Variants in AHR observed in about 807,000 individuals in gnomAD.
AHR encodes the protein AH-receptor.
A neutral mutation model predicts 86.8 loss-of-function variants in AHR; 40 were observed. The ratio of observed to expected loss-of-function variants is 0.46; its 90% confidence interval spans 0.36 to 0.60. The LOEUF is 0.60. AHR is among the 20% of genes least tolerant of loss of function. AHR has a pLI of 0.00. For synonymous variants in AHR, 398 were observed against 354.9 expected (o/e 1.12, Z -1.37); for missense variants, 1,001 against 1,011.6 (o/e 0.99, Z 0.14).
chr7:17,307,078 A>G (rs181741281), intron 1 of AHR, among the ~76,000 whole-genome samples: 1 of 152,202 alleles, frequency 6.6e-6, no homozygotes, highest in African/African-American at 2.4e-5. Context: ...ACAATTTTGC[A>G]TTATGAAAAG....
At chr7:17,331,717 G>C (rs893398700) in intron 6 of AHR, among the ~76,000 whole-genome samples, 1 of 151,916 alleles carries the variant, frequency 6.6e-6, no homozygotes, top group Non-Finnish European at 1.5e-5. Flanking sequence ...CTGAACACCT[G>C]CATAGGAGTT....
In AHR at chr7:17,312,555, C is replaced by T. The variant is rs1038668862; in HGVS notation, c.253+2432C>T. Among the ~76,000 whole-genome samples, 10 of 152,184 alleles carry T rather than the reference C, an allele frequency of 6.6e-5. No individual in the cohort carries two copies. In the South Asian group the frequency reaches 2.1e-3, roughly 32 times the overall value. On this transcript the variant is annotated intron_variant, in intron 2 of 10. Transcript: ENST00000242057. ...ACACATACATGATTAGATAAGTGTC[C>T]TATTATTCAGTGCTTCAAGTAAAGG...
At chr7:17,307,656 C>T (rs774208304) in intron 1 of AHR, among the ~76,000 whole-genome samples, 4 of 152,122 alleles carry the variant, frequency 2.6e-5, no homozygotes, top group Non-Finnish European at 4.4e-5. Flanking sequence ...CAGTTCAGAG[C>T]TACTGAAGGA....
At chr7:17,312,209 T>C (rs777922146) in intron 2 of AHR, among the ~76,000 whole-genome samples, 1 of 152,230 alleles carries the variant, frequency 6.6e-6, no homozygotes, top group Non-Finnish European at 1.5e-5. Context: ...GATTCTGTGA[T>C]GTGTAAGACG....
At chr7:17,335,021 TGTC>T (rs1488257932) in intron 8 of AHR, 25 bp downstream of exon 8, 1 of 1,558,168 alleles carries the variant, frequency 6.4e-7, no homozygotes, top group East Asian at 2.2e-5. Context: ...CTTATGAACA[TGTC>T]AGAAGAAAAC....
rs1414356784 is a variant in AHR, at chr7:17,339,528, G to T, written c.1703G>T (p.Gly568Val). Residue 568 changes from glycine (G) to valine (V), a missense_variant, in exon 10 of 11, where the codon GGT becomes GTT. Physicochemically the swap from Gly to Val is moderately radical, Grantham distance 109 (BLOSUM62 -3). Transcript: ENST00000242057. Reference sequence around the variant, plus strand: ...AAATTTTTCAGAAATGATTTTTCTGGTGAGGTTGACTTCAGAGACATTGAC... The same window carrying T: ...AAATTTTTCAGAAATGATTTTTCTGTTGAGGTTGACTTCAGAGACATTGAC... ...NEKFFRNDFSGEVDFRDIDLT... is the reference protein window; with the variant it reads ...NEKFFRNDFSVEVDFRDIDLT... The T allele has an allele frequency of 1.2e-6, 2 of 1,614,114 alleles. No homozygotes were observed. Among genetic ancestry groups the T allele is most frequent in the Admixed American group, 1.7e-5 (1 of 60,010 alleles).
At chr7:17,301,928 A>G (rs1455824178) in intron 1 of AHR, among the ~76,000 whole-genome samples, 1 of 151,888 alleles carries the variant, frequency 6.6e-6, no homozygotes, top group East Asian at 1.9e-4. Context: ...CTTTGCTTAG[A>G]CTGTTGCCCC....
intron 3 of AHR, 61 bp from the exon 4 acceptor site, chr7:17,327,698 C>A: frequency 2.2e-6 from 2 of 915,272 alleles, no homozygotes; most frequent in Admixed American, 2.3e-5. Flanking sequence ...AAAGTAATAA[C>A]CTTTATCTGA....
chr7:17,338,912 TC>T (rs1421428280), intron 9 of AHR, 73 bp from the exon 10 acceptor site: 1 of 1,365,492 alleles, frequency 7.3e-7, no homozygotes, highest in Non-Finnish European at 9.8e-7. Context: ...TTTATGTTTT[TC>T]TTTTTTAAAT....
chr7:17,328,790 A>G (rs757370327), intron 4 of AHR, among the ~76,000 whole-genome samples: 3 of 151,932 alleles, frequency 2.0e-5, no homozygotes, highest in Non-Finnish European at 4.4e-5. Flanking sequence ...TTTCAGATGC[A>G]ACTTTTGGAA....
chr7:17,307,755 T>A (rs1782020166), intron 1 of AHR, among the ~76,000 whole-genome samples: 1 of 152,160 alleles, frequency 6.6e-6, no homozygotes, highest in Non-Finnish European at 1.5e-5. Flanking sequence ...AACCCTGCCC[T>A]GCTTTCTGTA....
chr7:17,301,659 T>G (rs894968219), intron 1 of AHR, among the ~76,000 whole-genome samples: 29 of 151,906 alleles, frequency 1.9e-4, no homozygotes, highest in African/African-American at 6.5e-4. Context: ...TTGAATTTAT[T>G]AAGAAAAATC....
intron 9 of AHR, among the ~76,000 whole-genome samples, chr7:17,337,778 T>G (rs1358652909): frequency 6.6e-6 from 1 of 151,818 alleles, no homozygotes; most frequent in Admixed American, 6.6e-5. Flanking sequence ...CCCGGCCCTT[T>G]TTACGTTTTT....
intron 5 of AHR, 123 bp downstream of exon 5, chr7:17,330,198 C>A: frequency 2.1e-6 from 2 of 971,556 alleles, no homozygotes; most frequent in Non-Finnish European, 3.0e-6. Flanking sequence ...GATGTAAAGT[C>A]TGCAATCATA....
Position 17,330,880 on chromosome 7 carries a change from T to A in AHR, c.699T>A (p.Gly233=), listed in dbSNP as rs145760036. ...GGTGTCTGCTGGATAATTCATCTGGTTTTCTGGTAAGGTACAAAATTTTAT... is the reference window on the plus strand; with the variant it reads ...GGTGTCTGCTGGATAATTCATCTGGATTTCTGGTAAGGTACAAAATTTTAT... The part of the protein sequence containing the change: ...RLRCLLDNSS[G]FLAMNFQGKL... Residue 233 remains glycine (G), a synonymous_variant, in exon 6 of 11, where the codon GGT becomes GGA. Coordinates refer to ENST00000242057, the MANE Select transcript of AHR (RefSeq NM_001621.5). 1 of 1,611,456 alleles carries A rather than the reference T, an allele frequency of 6.2e-7. No individual in the cohort carries two copies. Among genetic ancestry groups the A allele is most frequent in the South Asian group, 1.1e-5 (1 of 90,912 alleles).
intron 3 of AHR, among the ~76,000 whole-genome samples, chr7:17,324,248 G>C (rs1000401100): frequency 6.6e-6 from 1 of 152,106 alleles, no homozygotes; most frequent in Non-Finnish European, 1.5e-5. Flanking sequence ...CATTCTCTAT[G>C]ATTTTCTTAG....
chr7:17,309,827 TAA>T, intron 1 of AHR, 107 bp from the exon 2 acceptor site: 1 of 975,860 alleles, frequency 1.0e-6, no homozygotes. Context: ...AAGTAGACTT[TAA>T]AAGTTTGTTG....
intron 3 of AHR, 101 bp downstream of exon 3, chr7:17,322,708 C>G: frequency 2.4e-6 from 2 of 844,706 alleles, no homozygotes; most frequent in East Asian, 2.7e-5. Context: ...AGGATTTGCT[C>G]AATGTTTTTT....
At chr7:17,330,101 G>C (rs1181568699) in intron 5 of AHR, 26 bp downstream of exon 5, 3 of 1,600,844 alleles carry the variant, frequency 1.9e-6, no homozygotes, top group Non-Finnish European at 2.6e-6. Context: ...ACAAAAAATA[G>C]TGTTGGTAGT....
Sources: gnomAD v4.1 joint callset for allele counts (sites outside exome capture counted in the v4.1 genomes callset) on GRCh38, gnomAD v4.1.1 for gene constraint, MANE v1.5 for transcripts, NCBI Gene and HGNC (gene_info 2026-07-23, HGNC 2026-07-21) for gene names.